ASXL1: variants seen among roughly 807,000 people sequenced by gnomAD.
The protein encoded by ASXL1 is polycomb group protein ASXL1.
Under a neutral mutation model 89.1 loss-of-function variants are expected in ASXL1, and 65 were observed. That is an observed-to-expected ratio of 0.73 (90% confidence interval 0.60 to 0.90). ASXL1 has a LOEUF of 0.90. Ranked by LOEUF, ASXL1 falls within the 40% of genes least tolerant of loss-of-function variation. ASXL1 has a pLI of 0.00. For synonymous variants in ASXL1, 739 were observed against 746.9 expected (o/e 0.99, Z 0.17); for missense variants, 1,786 against 1,942.9 (o/e 0.92, Z 1.52).
At chr20:32,396,112 A>G (rs1157804301) in intron 4 of ASXL1, among the ~76,000 whole-genome samples, 1 of 152,142 alleles carries the variant, frequency 6.6e-6, no homozygotes, top group Non-Finnish European at 1.5e-5. Flanking sequence ...TTCTTAAAAA[A>G]CATCTTATAT....
Position 32,437,298 on chromosome 20 carries a change from G to T in ASXL1, c.4586G>T (p.Gly1529Val), listed in dbSNP as rs774496581. ...GCGTTCTGTCACGATGACTGTATTGGACCCTCAAAGCTCTGTGTATTGTGC... is the reference window on the plus strand; with the variant it reads ...GCGTTCTGTCACGATGACTGTATTGTACCCTCAAAGCTCTGTGTATTGTGC... ...CGAFCHDDCI[G>V]PSKLCVLCLV... The change falls in exon 13 of 13, where the codon GGA (glycine) becomes GTA (valine). Residue 1529 changes from glycine (G) to valine (V), a missense_variant. Coordinates refer to ENST00000375687, the MANE Select transcript of ASXL1 (RefSeq NM_015338.6). 1 of 1,614,124 alleles carries T rather than the reference G, an allele frequency of 6.2e-7. No homozygotes were observed. The highest frequency in any genetic ancestry group is 1.1e-5 in the South Asian group (1 of 91,070).
intron 4 of ASXL1, among the ~76,000 whole-genome samples, chr20:32,392,053 G>C (rs1329647605): frequency 6.6e-6 from 1 of 151,422 alleles, no homozygotes; most frequent in African/African-American, 2.4e-5. Flanking sequence ...TACTTGGGAT[G>C]CTTGGACCAT....
chr20:32,431,481 A>T lies in ASXL1; in HGVS notation c.879A>T (p.Arg293Ser). The T allele has an allele frequency of 6.2e-7, 1 of 1,613,954 alleles. No individual in the cohort carries two copies. Among genetic ancestry groups the T allele is most frequent in the African/African-American group, 1.3e-5 (1 of 74,954 alleles). Reference sequence around the variant, plus strand: ...TCTTCCTCCTGCCTGAAGTAGACAGACAGGTGCACATGGGCAGCCTCCCCT... The same window carrying T: ...TCTTCCTCCTGCCTGAAGTAGACAGTCAGGTGCACATGGGCAGCCTCCCCT... ...QLLFLLPEVD[R>S]QVGTDGLLRL... Residue 293 changes from arginine (R) to serine (S), a missense_variant, in exon 9 of 13, where the codon AGA (arginine) becomes AGT (serine). Physicochemically the swap from Arg to Ser is moderately radical, Grantham distance 110. Transcript: ENST00000375687.
At chr20:32,359,247 G>C (rs2048067995) in intron 1 of ASXL1, 1 of 701,948 alleles carries the variant, frequency 1.4e-6, no homozygotes, top group African/African-American at 1.7e-5. Flanking sequence ...GGTGGGTAAT[G>C]GGGTGGTGCC....
intron 4 of ASXL1, among the ~76,000 whole-genome samples, chr20:32,398,929 A>G (rs1359516045): frequency 6.7e-6 from 1 of 149,912 alleles, no homozygotes. Context: ...TTAGTAAGAT[A>G]CTTTTGCTGG....
rs2295763 is a variant in ASXL1 at position 32,437,428 on chromosome 20, T to C, written c.*90T>C. On this transcript the variant is annotated 3_prime_UTR_variant, in exon 13 of 13. Transcript: ENST00000375687. Reference sequence around the variant, plus strand: ...ATCTGTATACAGAATATCATTGATATAATACTCTTTAGGCAGGAGCACTCT... The same window carrying C: ...ATCTGTATACAGAATATCATTGATACAATACTCTTTAGGCAGGAGCACTCT... 0.37 allele frequency: 581,165 copies of C among 1,561,634 alleles called. 113,558 individuals carry two copies. The highest frequency in any genetic ancestry group is 0.72 in the East Asian group (32,240 of 44,540).
chr20:32,405,456 A>G (rs563759627), intron 4 of ASXL1, among the ~76,000 whole-genome samples: 13 of 152,312 alleles, frequency 8.5e-5, no homozygotes, highest in African/African-American at 2.9e-4. Context: ...ACCTGTCCAC[A>G]ATACATTCAT....
rs1052150253 is a variant in ASXL1, at chr20:32,418,729, T to C, written c.253-9399T>C. ...CTTTGTGACCCTGTGCTTTTCCATGTAAAATTCTGTAAAAGATCGTGTTGA... is the reference window on the plus strand; with the variant it reads ...CTTTGTGACCCTGTGCTTTTCCATGCAAAATTCTGTAAAAGATCGTGTTGA... On this transcript the variant is annotated intron_variant, in intron 4 of 12. Coordinates refer to ENST00000375687, the MANE Select transcript of ASXL1 (RefSeq NM_015338.6). 4.0e-5 allele frequency among the ~76,000 whole-genome samples: 6 copies of C among 151,296 alleles called. No individual in the cohort carries two copies. The Admixed American group carries it at 4.0e-4, about 10-fold the overall frequency.
rs2011454904 is a variant in ASXL1 at position 32,429,544 on chromosome 20, C to T, written c.565+113C>T. ...CGATACTAGGAGAGCTGTCGGGCCA[C>T]AGGCAAGAGCCCTGCCAATGGATGA... On this transcript the variant is annotated intron_variant, in intron 7 of 12. Transcript: ENST00000375687. This position sits in a 1 kb window ranked among gnomAD's most constrained non-coding sequence, Gnocchi z 4.9. 8.8e-7 allele frequency: 1 copy of T among 1,130,598 alleles called. No individual in the cohort carries two copies. Among genetic ancestry groups the T allele is most frequent in the Non-Finnish European group, 1.3e-6 (1 of 759,108 alleles). 70.0% of individuals were successfully genotyped at this position (1,130,598 alleles called of 1,614,324 possible). A position where few individuals can be genotyped will look rare whatever the true frequency, so the allele number is the denominator to read the frequency against.
Position 32,430,063 on chromosome 20 carries a change from G to A in ASXL1, c.718+10G>A, listed in dbSNP as rs200819171. The A allele has an allele frequency of 2.2e-5, 36 of 1,602,270 alleles. No homozygotes were observed. The highest frequency in any genetic ancestry group is 3.3e-5 in the Admixed American group (2 of 59,874). On this transcript the variant is annotated intron_variant, in intron 8 of 12. Transcript: ENST00000375687. ...CGGAAGCCAGCCACAGGTGAGTGGCGTGGCACTTATTTCTCTGCCTGTAAA... is the reference window on the plus strand; with the variant it reads ...CGGAAGCCAGCCACAGGTGAGTGGCATGGCACTTATTTCTCTGCCTGTAAA...
At chr20:32,415,489 G>A (rs147118580) in intron 4 of ASXL1, among the ~76,000 whole-genome samples, 330 of 152,294 alleles carry the variant, frequency 2.2e-3, no homozygotes, top group Admixed American at 3.5e-3. Context: ...TTTAGGGACA[G>A]GAAGGAGACC....
chr20:32,436,041 A>G lies in ASXL1; in HGVS notation c.3329A>G (p.Gln1110Arg), dbSNP rs2011836651. The G allele has an allele frequency of 1.9e-6, 3 of 1,614,072 alleles. No individual in the cohort carries two copies. In the African/African-American group the frequency reaches 4.0e-5, roughly 22 times the overall value. ...SVEATNPLVM[Q>R]LLQGSLPLEK... ...GAGGCCACTAACCCACTTGTGATGC[A>G]GTTGCTGCAGGGTAGCTTGCCCCTA... Residue 1110 changes from glutamine to arginine, a missense_variant, in exon 13 of 13, where the codon CAG (glutamine) becomes CGG (arginine). Physicochemically the swap from Gln to Arg is conservative, Grantham distance 43. Around this residue, in one of 3 missense-constraint regions of ASXL1, gnomAD observed 1,418 missense variants for 1,427.8 expected, o/e 0.99. Coordinates refer to ENST00000375687, the MANE Select transcript of ASXL1 (RefSeq NM_015338.6).
In ASXL1 at chr20:32,433,805, CCGAAAAGAAGCCCCGGCTTGAAG is replaced by C; in HGVS notation, c.1608_1630del (p.Glu537SerfsTer6). The C allele has an allele frequency of 6.2e-7, 1 of 1,614,184 alleles. No individual in the cohort carries two copies. Among genetic ancestry groups the C allele is most frequent in the Non-Finnish European group, 8.5e-7 (1 of 1,180,036 alleles). On this transcript the variant is annotated frameshift_variant, in exon 12 of 13. Coordinates refer to ENST00000375687, the MANE Select transcript of ASXL1 (RefSeq NM_015338.6). LOFTEE classifies it high-confidence loss of function. ...GAGCAGGCGGCCTCTGCATCCTTTCCCGAAAAGAAGCCCCGGCTTGAAGATCGTCAGTCCTTTCGTAACACAAT... is the reference window on the plus strand; with the variant it reads ...GAGCAGGCGGCCTCTGCATCCTTTCCATCGTCAGTCCTTTCGTAACACAAT...
At chr20:32,369,858 A>G (rs920033800) in intron 4 of ASXL1, among the ~76,000 whole-genome samples, 5 of 150,556 alleles carry the variant, frequency 3.3e-5, no homozygotes, top group African/African-American at 1.2e-4. Context: ...CCTCCTGAGT[A>G]GCTAAGAGTG....
At chr20:32,361,392 C>G (rs1446228567) in intron 1 of ASXL1, among the ~76,000 whole-genome samples, 1 of 151,170 alleles carries the variant, frequency 6.6e-6, no homozygotes, top group African/African-American at 2.4e-5. Flanking sequence ...GTAATCCCAG[C>G]ACTTTGGGAC....
chr20:32,371,584 G>A (rs1392743278), intron 4 of ASXL1, among the ~76,000 whole-genome samples: 1 of 151,990 alleles, frequency 6.6e-6, no homozygotes, highest in Non-Finnish European at 1.5e-5. Context: ...ACTGCACCTG[G>A]CCTATTATTT....
intron 1 of ASXL1, chr20:32,360,368 T>C (rs1219797629): frequency 1.3e-5 from 2 of 154,082 alleles, no homozygotes; most frequent in Non-Finnish European, 2.9e-5. Context: ...AAGCTTGGGC[T>C]AGTTTTCAGG....
In ASXL1 at chr20:32,366,449, A is replaced by G. The variant is rs2048205934; in HGVS notation, c.123A>G (p.Glu41=). The change falls in exon 2 of 13, where the codon GAA becomes GAG. Residue 41 remains glutamate (E), a synonymous_variant. Coordinates refer to ENST00000375687, the MANE Select transcript of ASXL1 (RefSeq NM_015338.6). ...AGATTCTGCAGGTCATAGAGGCAGA[A>G]GGACTAAAGGAAATGAGGTTTGTAT... ...PKQILQVIEA[E]GLKEMRSGTS... is the part of the protein sequence containing the mutation. 1 of 1,613,890 alleles carries G rather than the reference A, an allele frequency of 6.2e-7. No individual in the cohort carries two copies. The highest frequency in any genetic ancestry group is 8.5e-7 in the Non-Finnish European group (1 of 1,179,860).
intron 1 of ASXL1, among the ~76,000 whole-genome samples, chr20:32,362,497 G>T (rs563168460): frequency 6.6e-5 from 10 of 152,078 alleles, no homozygotes; most frequent in African/African-American, 1.7e-4. Flanking sequence ...TTAGCCAGGC[G>T]TGGTGGCGAG....
Sources: allele counts gnomAD v4.1 joint callset (sites outside exome capture counted in the v4.1 genomes callset), GRCh38; gene constraint gnomAD v4.1.1; regional missense constraint gnomAD v4.1.1; non-coding constraint Gnocchi (gnomAD v3.1); transcripts MANE v1.5; gene names NCBI Gene and HGNC (gene_info 2026-07-23, HGNC 2026-07-21).